RSPO2: variants seen among roughly 807,000 people sequenced by gnomAD.
RSPO2 encodes R-spondin 2.
Under a neutral mutation model 30.9 loss-of-function variants are expected in RSPO2, and 14 were observed. The observed-to-expected ratio is 0.45, with a 90% CI of 0.30 to 0.71. RSPO2 has a LOEUF of 0.71. Ranked by LOEUF, RSPO2 falls within the 30% of genes least tolerant of loss-of-function variation. RSPO2 has a pLI of 0.08. For missense variants in RSPO2, 264 were observed against 301.9 expected (o/e 0.87, Z 0.93); for synonymous variants, 107 against 96.4 (o/e 1.11, Z -0.64).
intron 5 of RSPO2, among the ~76,000 whole-genome samples, chr8:107,916,535 AAG>A (rs1443768228): frequency 6.6e-6 from 1 of 152,192 alleles, no homozygotes; most frequent in African/African-American, 2.4e-5. Context: ...TGCATAAGAA[AAG>A]AGGAATAAGT....
chr8:107,943,195 C>T (rs565036925), intron 5 of RSPO2, among the ~76,000 whole-genome samples: 1 of 152,352 alleles, frequency 6.6e-6, no homozygotes, highest in East Asian at 1.9e-4. Context: ...CTCCTCCCCA[C>T]ACCATGCACA....
At chr8:108,012,896 T>C (rs1187868124) in intron 2 of RSPO2, among the ~76,000 whole-genome samples, 1 of 152,234 alleles carries the variant, frequency 6.6e-6, no homozygotes, top group Non-Finnish European at 1.5e-5. Context: ...TGTTGGAATT[T>C]ACTCTAAATT....
At chr8:107,946,879 A>G (rs1439723735) in intron 5 of RSPO2, among the ~76,000 whole-genome samples, 1 of 152,244 alleles carries the variant, frequency 6.6e-6, no homozygotes, top group Non-Finnish European at 1.5e-5. Flanking sequence ...AAAGACATCC[A>G]CCATCACTGA....
chr8:107,965,324 T>C (rs866949411), intron 3 of RSPO2, among the ~76,000 whole-genome samples: 5 of 152,292 alleles, frequency 3.3e-5, no homozygotes, highest in African/African-American at 1.2e-4. Context: ...CAAGAAGGGC[T>C]TAACCTTGGC....
At chr8:107,994,917 T>C (rs1432543664) in intron 2 of RSPO2, among the ~76,000 whole-genome samples, 2 of 152,102 alleles carry the variant, frequency 1.3e-5, no homozygotes, top group Admixed American at 1.3e-4. Context: ...TTAATGGCCA[T>C]TATATTTATA....
chr8:107,965,994 T>C (rs942691025), intron 3 of RSPO2, among the ~76,000 whole-genome samples: 3 of 152,002 alleles, frequency 2.0e-5, no homozygotes, highest in Non-Finnish European at 4.4e-5. Context: ...CTGGCAAGGG[T>C]GGCTGCCCTC....
intron 2 of RSPO2, among the ~76,000 whole-genome samples, chr8:108,069,432 G>A (rs55634298): frequency 0.19 from 28,790 of 152,098 alleles, 3,061 homozygotes; most frequent in Non-Finnish European, 0.24. Context: ...CAGGATGGTC[G>A]CAATCTCTTG....
intron 4 of RSPO2, 23 bp from the exon 5 acceptor site, chr8:107,958,291 GAAAA>G: frequency 1.3e-6 from 2 of 1,537,234 alleles, no homozygotes; most frequent in African/African-American, 1.4e-5. Flanking sequence ...TTTAGAAAAA[GAAAA>G]AAAAACACAA....
chr8:108,069,490 G>A (rs1376270301), intron 2 of RSPO2, among the ~76,000 whole-genome samples: 10 of 152,158 alleles, frequency 6.6e-5, no homozygotes. Flanking sequence ...GGGATTACAG[G>A]TGTGAGCCAC....
At chr8:107,916,481 A>G (rs1393685229) in intron 5 of RSPO2, among the ~76,000 whole-genome samples, 6 of 152,242 alleles carry the variant, frequency 3.9e-5, no homozygotes, top group African/African-American at 1.4e-4. Context: ...TTAACATTGT[A>G]ACATGTAATT....
At chr8:108,053,474 C>T (rs550813545) in intron 2 of RSPO2, among the ~76,000 whole-genome samples, 34 of 152,244 alleles carry the variant, frequency 2.2e-4, no homozygotes, top group Non-Finnish European at 3.4e-4. Flanking sequence ...CCCCATCTAA[C>T]GTTTCTATAA....
chr8:108,070,120 T>A (rs774779811), intron 2 of RSPO2, among the ~76,000 whole-genome samples: 2 of 152,158 alleles, frequency 1.3e-5, no homozygotes, highest in Non-Finnish European at 2.9e-5. Context: ...AGCATATTAC[T>A]GAAGTTTACA....
chr8:108,053,189 G>T (rs1347173104), intron 2 of RSPO2, among the ~76,000 whole-genome samples: 1 of 152,160 alleles, frequency 6.6e-6, no homozygotes, highest in African/African-American at 2.4e-5. Flanking sequence ...GCTTGCAGGA[G>T]AGCTTCTTGG....
chr8:108,027,562 A>C (rs1811263441), intron 2 of RSPO2, among the ~76,000 whole-genome samples: 1 of 152,176 alleles, frequency 6.6e-6, no homozygotes, highest in Admixed American at 6.5e-5. Context: ...ATACAAGAGC[A>C]AAGTATTTAT....
At chr8:108,070,995 G>A (rs1431666921) in intron 2 of RSPO2, among the ~76,000 whole-genome samples, 7 of 152,054 alleles carry the variant, frequency 4.6e-5, no homozygotes, top group Non-Finnish European at 1.0e-4. Context: ...CCTTTCCCTA[G>A]GTCCAGCCTG....
At chr8:107,930,930 T>A (rs1812534943) in intron 5 of RSPO2, among the ~76,000 whole-genome samples, 1 of 152,210 alleles carries the variant, frequency 6.6e-6, no homozygotes, top group Non-Finnish European at 1.5e-5. Context: ...CAAGCAGGAT[T>A]TTATAATCCA....
intron 3 of RSPO2, among the ~76,000 whole-genome samples, chr8:107,980,226 A>T (rs757601466): frequency 1.3e-5 from 2 of 148,802 alleles, no homozygotes; most frequent in Non-Finnish European, 3.0e-5. Context: ...ATTCCATTCC[A>T]TTTTTTTTTT....
intron 5 of RSPO2, among the ~76,000 whole-genome samples, chr8:107,933,036 G>A (rs952254758): frequency 6.6e-6 from 1 of 152,106 alleles, no homozygotes; most frequent in Admixed American, 6.5e-5. Flanking sequence ...ATCCTAGAGA[G>A]CCTTCTCTCT....
chr8:108,048,161 C>T (rs886649949), intron 2 of RSPO2, among the ~76,000 whole-genome samples: 1 of 151,970 alleles, frequency 6.6e-6, no homozygotes, highest in African/African-American at 2.4e-5. Context: ...GGTTGAGCAA[C>T]TTCCTAAAGA....
Sources: gnomAD v4.1 joint callset for allele counts (sites outside exome capture counted in the v4.1 genomes callset) on GRCh38, gnomAD v4.1.1 for gene constraint, MANE v1.5 for transcripts, NCBI Gene and HGNC (gene_info 2026-07-23, HGNC 2026-07-21) for gene names.